Variants in FSHR observed in about 807,000 individuals in gnomAD.
FSHR encodes the protein follicle-stimulating hormone receptor.
A neutral mutation model predicts 52.1 loss-of-function variants in FSHR; 46 were observed. That is an observed-to-expected ratio of 0.88 (90% CI 0.70 to 1.13). FSHR has a LOEUF of 1.13. Among genes scored for constraint, FSHR ranks in the 50% most tolerant of loss-of-function variants. FSHR has a pLI of 0.00. For missense variants in FSHR, 964 were observed against 834.6 expected, an observed-to-expected ratio of 1.16 and a Z score of -1.91; for synonymous variants, 399 against 309.6, an observed-to-expected ratio of 1.29 and a Z score of -3.03.
Position 48,990,638 on chromosome 2 carries a change from C to T in FSHR, c.375-1G>A. On this transcript the variant is annotated splice_acceptor_variant, in intron 4 of 9. Coordinates refer to ENST00000406846, the MANE Select transcript of FSHR (RefSeq NM_000145.4). LOFTEE classifies it high-confidence loss of function. ...CTTAATACCTGTGTTGGATATTAAC[C>T]TAGAGAGAAACAAAATGAGAGTGAG... is the stretch of plus-strand genomic sequence containing the variant. The T allele has an allele frequency of 6.3e-7, 1 of 1,593,336 alleles. No homozygotes were observed. The highest frequency in any genetic ancestry group is 1.7e-5 in the Admixed American group (1 of 59,994).
chr2:48,962,596 C>T lies in FSHR; in HGVS notation c.*137G>A, dbSNP rs1674273454. 1.2e-6 allele frequency: 1 copy of T among 851,052 alleles called. No homozygotes were observed. The highest frequency in any genetic ancestry group is 1.9e-6 in the Non-Finnish European group (1 of 534,886). 52.7% of individuals were successfully genotyped at this position (851,052 alleles called of 1,614,324 possible). ...ATCACATGGAATTAATAGTTCCTGA[C>T]CAATTTACCTTAAAGGTATGCCAGG... On this transcript the variant is annotated 3_prime_UTR_variant, in exon 10 of 10. Coordinates refer to ENST00000406846, the MANE Select transcript of FSHR (RefSeq NM_000145.4).
At chr2:49,064,379 G>C (rs957775495) in intron 2 of FSHR, among the ~76,000 whole-genome samples, 1 of 151,972 alleles carries the variant, frequency 6.6e-6, no homozygotes, top group Non-Finnish European at 1.5e-5. Context: ...GATTAGTGTT[G>C]CCATTAAAAA....
chr2:49,023,159 C>G (rs1044733077), intron 2 of FSHR, among the ~76,000 whole-genome samples: 1 of 152,202 alleles, frequency 6.6e-6, no homozygotes, highest in African/African-American at 2.4e-5. Flanking sequence ...GAAAAGCCCT[C>G]CTTTACTCTA....
At chr2:49,132,968 TAAAA>T (rs34913428) in intron 1 of FSHR, among the ~76,000 whole-genome samples, 2,092 of 48,594 alleles carry the variant, frequency 0.043, 79 homozygotes, top group African/African-American at 0.16. Context: ...TAAAACTCAG[TAAAA>T]AAAAAAAAAA....
intron 2 of FSHR, among the ~76,000 whole-genome samples, chr2:49,041,672 T>A (rs568977488): frequency 8.6e-5 from 13 of 151,948 alleles, no homozygotes; most frequent in Middle Eastern, 3.4e-3. Context: ...TCCAAGGAGA[T>A]CTATACCAGG....
chr2:49,035,926 AACTT>A (rs2104267898), intron 2 of FSHR, among the ~76,000 whole-genome samples: 1 of 152,360 alleles, frequency 6.6e-6, no homozygotes, highest in East Asian at 1.9e-4. Context: ...AGAACTTAGT[AACTT>A]TCATTTGAGG....
intron 1 of FSHR, among the ~76,000 whole-genome samples, chr2:49,127,873 TCTTCTTCTTCTTCTTCTTC>T (rs1672110818): frequency 2.2e-5 from 1 of 45,374 alleles, no homozygotes; most frequent in Admixed American, 3.0e-4. Flanking sequence ...TTCTTCTTCT[TCTTCTTCTTCTTCTTCTTC>T]TTCTTCTTTT....
At chr2:49,089,495 A>G (rs923713558) in intron 1 of FSHR, among the ~76,000 whole-genome samples, 2 of 152,230 alleles carry the variant, frequency 1.3e-5, no homozygotes, top group African/African-American at 4.8e-5. Flanking sequence ...GTAAAAATAA[A>G]TAGCATTGGC....
intron 2 of FSHR, among the ~76,000 whole-genome samples, chr2:49,057,960 T>G (rs960398172): frequency 6.6e-6 from 1 of 152,096 alleles, no homozygotes; most frequent in Non-Finnish European, 1.5e-5. Flanking sequence ...TTTGGTAAAA[T>G]TCAACATGCT....
chr2:49,108,257 C>G (rs1397295737), intron 1 of FSHR, among the ~76,000 whole-genome samples: 3 of 152,166 alleles, frequency 2.0e-5, no homozygotes, highest in African/African-American at 4.8e-5. Context: ...TGGAACTGCA[C>G]TACTGGCTTT....
chr2:49,089,997 C>T (rs1476510105), intron 1 of FSHR, among the ~76,000 whole-genome samples: 2 of 152,202 alleles, frequency 1.3e-5, no homozygotes, highest in Non-Finnish European at 2.9e-5. Context: ...AATGAACTAA[C>T]ATTTATTGAA....
At chr2:49,002,294 G>A (rs1666923555) in intron 4 of FSHR, among the ~76,000 whole-genome samples, 1 of 152,042 alleles carries the variant, frequency 6.6e-6, no homozygotes, top group South Asian at 2.1e-4. Context: ...CCCACACCCA[G>A]TTTCATCTTG....
chr2:49,087,070 G>GATTTTTTTTTTTTTTTTTTTTTTT lies in FSHR; in HGVS notation c.153-18781_153-18780insAAAAAAAAAAAAAAAAAAAAAAAT, dbSNP rs60949511. Among the ~76,000 whole-genome samples, 4 of 86,728 alleles carry GATTTTTTTTTTTTTTTTTTTTTTT rather than the reference G, an allele frequency of 4.6e-5. 1 individual carries two copies. The highest frequency in any genetic ancestry group is 1.7e-4 in the African/African-American group (4 of 23,380). The allele number at this position is 86,728 out of a possible 152,430, so 56.9% of individuals were successfully genotyped here. Reference sequence around the variant, plus strand: ...GTAGTTGAGGGACCCTGTGGGCAGGGTTTTTTTTTTTTTTTTTTTTTTTTT... The same window carrying GATTTTTTTTTTTTTTTTTTTTTTT: ...GTAGTTGAGGGACCCTGTGGGCAGGGATTTTTTTTTTTTTTTTTTTTTTTTTTTTTTTTTTTTTTTTTTTTTTTT... On this transcript the variant is annotated intron_variant, in intron 1 of 9. Transcript: ENST00000406846.
intron 6 of FSHR, among the ~76,000 whole-genome samples, chr2:48,985,622 T>G (rs1302727833): frequency 2.0e-5 from 3 of 152,046 alleles, no homozygotes; most frequent in African/African-American, 7.2e-5. Flanking sequence ...TGCTGGTTGC[T>G]TTAAAAATAC....
intron 2 of FSHR, among the ~76,000 whole-genome samples, chr2:49,020,401 G>T (rs1379235982): frequency 6.6e-6 from 1 of 152,156 alleles, no homozygotes; most frequent in African/African-American, 2.4e-5. Flanking sequence ...CCAGTCTATA[G>T]TTGTAGAAAG....
intron 4 of FSHR, among the ~76,000 whole-genome samples, chr2:48,999,491 G>A (rs938343876): frequency 2.0e-5 from 3 of 152,070 alleles, no homozygotes; most frequent in African/African-American, 7.2e-5. Flanking sequence ...GAAATGGATT[G>A]TGCTGCTAAG....
chr2:49,095,309 C>T (rs559400239), intron 1 of FSHR, among the ~76,000 whole-genome samples: 6 of 152,060 alleles, frequency 3.9e-5, no homozygotes, highest in South Asian at 2.1e-4. Flanking sequence ...ATTGAGAGTC[C>T]GGAAATAAGC....
At chr2:49,033,293 T>C (rs1376483720) in intron 2 of FSHR, among the ~76,000 whole-genome samples, 1 of 152,200 alleles carries the variant, frequency 6.6e-6, no homozygotes, top group Non-Finnish European at 1.5e-5. Context: ...TGATTTTTTT[T>C]CATTGCTTGC....
chr2:49,113,700 C>G (rs1671505371), intron 1 of FSHR, among the ~76,000 whole-genome samples: 1 of 152,092 alleles, frequency 6.6e-6, no homozygotes, highest in African/African-American at 2.4e-5. Context: ...GACGTAGCAT[C>G]TGGTTTTCTA....
Sources: gnomAD v4.1 joint callset for allele counts (sites outside exome capture counted in the v4.1 genomes callset) on GRCh38, gnomAD v4.1.1 for gene constraint, MANE v1.5 for transcripts, NCBI Gene and HGNC (gene_info 2026-07-23, HGNC 2026-07-21) for gene names.